SEMA5A: variants seen among roughly 807,000 people sequenced by gnomAD.
SEMA5A encodes semaphorin-5A.
In SEMA5A, 55 loss-of-function variants were observed where a neutral mutation model predicts 135.5. The ratio of observed to expected loss-of-function variants is 0.41; its 90% CI spans 0.33 to 0.51. SEMA5A has a LOEUF of 0.51. Among genes scored for constraint, SEMA5A ranks in the 20% least tolerant of loss-of-function variants. The pLI, the probability that SEMA5A is intolerant of heterozygous loss-of-function variation, is 0.37. For missense variants in SEMA5A, 1,290 were observed against 1,419.9 expected (o/e 0.91, Z 1.47); for synonymous variants, 580 against 546.5 (o/e 1.06, Z -0.85).
rs1739318725 is a variant in SEMA5A, at chr5:9,096,446, T to G, written c.2073+11694A>C. On this transcript the variant is annotated intron_variant, in intron 16 of 22. Coordinates refer to ENST00000382496, the MANE Select transcript of SEMA5A (RefSeq NM_003966.3). ...TTCACATCTAAGTGAGATAATGCACTATTTCTCTTTCTTTGTTTGGTTTAT... is the reference window on the plus strand; with the variant it reads ...TTCACATCTAAGTGAGATAATGCACGATTTCTCTTTCTTTGTTTGGTTTAT... Among the ~76,000 whole-genome samples, 3 of 152,302 alleles carry G rather than the reference T, an allele frequency of 2.0e-5. No homozygotes were observed. In the South Asian group the frequency reaches 6.2e-4, roughly 32 times the overall value.
intron 5 of SEMA5A, among the ~76,000 whole-genome samples, chr5:9,287,013 A>C (rs772581939): frequency 1.3e-5 from 2 of 152,154 alleles, no homozygotes; most frequent in Non-Finnish European, 2.9e-5. Flanking sequence ...TCCTACATGT[A>C]CCCAATGCAT....
chr5:9,073,327 T>C (rs1737871452), intron 16 of SEMA5A, among the ~76,000 whole-genome samples: 2 of 152,186 alleles, frequency 1.3e-5, no homozygotes, highest in Non-Finnish European at 2.9e-5. Context: ...ATTAACGTAA[T>C]TCATCATATG....
intron 3 of SEMA5A, among the ~76,000 whole-genome samples, chr5:9,365,089 C>T (rs1335229978): frequency 6.6e-6 from 1 of 152,130 alleles, no homozygotes; most frequent in Non-Finnish European, 1.5e-5. Flanking sequence ...TTCCACAACA[C>T]ATATATAAGG....
intron 2 of SEMA5A, among the ~76,000 whole-genome samples, chr5:9,407,028 C>A (rs115873564): frequency 0.012 from 1,810 of 152,340 alleles, 13 homozygotes; most frequent in Middle Eastern, 0.034. Context: ...TATTGTGGAT[C>A]TGTCCTGTGC....
rs1303922008 is a variant in SEMA5A at position 9,038,015 on chromosome 5, G to A, written c.*4882C>T. ...AAGTAAGGGGCTCAAATGGCATCTAGGGTCTGATAAGATAAGCGTAGGTAA... is the reference window on the plus strand; with the variant it reads ...AAGTAAGGGGCTCAAATGGCATCTAAGGTCTGATAAGATAAGCGTAGGTAA... On this transcript the variant is annotated 3_prime_UTR_variant, in exon 23 of 23. Coordinates refer to ENST00000382496, the MANE Select transcript of SEMA5A (RefSeq NM_003966.3). 1.3e-5 allele frequency: 2 copies of A among 152,128 alleles called. No homozygotes were observed. Among genetic ancestry groups the A allele is most frequent in the Non-Finnish European group, 2.9e-5 (2 of 68,026 alleles). The allele number at this position is 152,128 out of a possible 1,614,324, so 9.4% of individuals were successfully genotyped here. A position where few individuals can be genotyped will look rare whatever the true frequency, so the allele number is the denominator to read the frequency against.
At chr5:9,136,799 A>G (rs571215251) in intron 12 of SEMA5A, among the ~76,000 whole-genome samples, 178 bp from the exon 13 acceptor site, 1 of 152,222 alleles carries the variant, frequency 6.6e-6, no homozygotes, top group South Asian at 2.1e-4. Context: ...GTAAGTACCT[A>G]ATATTAAATC....
intron 3 of SEMA5A, among the ~76,000 whole-genome samples, chr5:9,339,083 T>G (rs1014327603): frequency 3.9e-5 from 6 of 152,164 alleles, no homozygotes; most frequent in African/African-American, 1.4e-4. Context: ...AATTTCTACA[T>G]TTTATAGGCA....
chr5:9,144,245 C>A (rs932237364), intron 12 of SEMA5A, among the ~76,000 whole-genome samples: 3 of 152,094 alleles, frequency 2.0e-5, no homozygotes, highest in African/African-American at 7.2e-5. Flanking sequence ...TACTTATTTG[C>A]TATATAACAT....
intron 11 of SEMA5A, among the ~76,000 whole-genome samples, chr5:9,187,420 T>G (rs2150341194): frequency 6.6e-6 from 1 of 152,286 alleles, no homozygotes; most frequent in African/African-American, 2.4e-5. Context: ...GGGAATTCAC[T>G]TTTCAGTAGA....
chr5:9,237,609 T>C (rs1747979780), intron 6 of SEMA5A: 1 of 380,542 alleles, frequency 2.6e-6, no homozygotes, highest in South Asian at 1.2e-4. Flanking sequence ...AGCTCTGATC[T>C]TCTTATGTTC....
chr5:9,301,107 C>G (rs1383096025), intron 5 of SEMA5A, among the ~76,000 whole-genome samples: 1 of 152,164 alleles, frequency 6.6e-6, no homozygotes, highest in African/African-American at 2.4e-5. Context: ...AATGTGACTT[C>G]AGAAAAACTT....
intron 3 of SEMA5A, among the ~76,000 whole-genome samples, chr5:9,340,247 G>T (rs183004668): frequency 6.6e-6 from 1 of 152,116 alleles, no homozygotes; most frequent in South Asian, 2.1e-4. Flanking sequence ...CCAGGACCAG[G>T]CTCCAGAGTG....
rs575695841 is a variant in SEMA5A at position 9,340,099 on chromosome 5, T to C, written c.125-2287A>G. Among the ~76,000 whole-genome samples the C allele has an allele frequency of 2.3e-4, 35 of 152,306 alleles. No homozygotes were observed. In the South Asian group the frequency reaches 7.1e-3, roughly 31 times the overall value. Reference sequence around the variant, plus strand: ...AAATTCAGGTGCAAGAATGGGAATGTTTCAGGTGAAAAATTTCCAATGGTA... The same window carrying C: ...AAATTCAGGTGCAAGAATGGGAATGCTTCAGGTGAAAAATTTCCAATGGTA... On this transcript the variant is annotated intron_variant, in intron 3 of 22. Coordinates refer to ENST00000382496, the MANE Select transcript of SEMA5A (RefSeq NM_003966.3).
chr5:9,513,055 AAT>A (rs1194051281), intron 1 of SEMA5A, among the ~76,000 whole-genome samples: 5 of 110,976 alleles, frequency 4.5e-5, no homozygotes, highest in South Asian at 2.6e-4. Context: ...ATGAGATGCA[AAT>A]ATATATATAT....
Position 9,318,497 on chromosome 5 carries a change from A to T in SEMA5A, c.225-80T>A, listed in dbSNP as rs1752488385. On this transcript the variant is annotated intron_variant, in intron 4 of 22. Coordinates refer to ENST00000382496, the MANE Select transcript of SEMA5A (RefSeq NM_003966.3). ...GAGTTTATAAAAATTTCAAGAACAAAGAAAATAATAATTTTGACTTCAAAA... is the reference window on the plus strand; with the variant it reads ...GAGTTTATAAAAATTTCAAGAACAATGAAAATAATAATTTTGACTTCAAAA... 5 of 1,199,238 alleles carry T rather than the reference A, an allele frequency of 4.2e-6. No individual in the cohort carries two copies. The African/African-American group carries it at 6.2e-5, about 15-fold the overall frequency. 74.3% of individuals were successfully genotyped at this position (1,199,238 alleles called of 1,614,324 possible).
intron 6 of SEMA5A, among the ~76,000 whole-genome samples, chr5:9,231,955 T>C (rs1471781055): frequency 6.6e-6 from 1 of 152,150 alleles, no homozygotes; most frequent in African/African-American, 2.4e-5. Flanking sequence ...ACTTGAACAT[T>C]AAAATGACCC....
chr5:9,058,349 A>C (rs73043643), intron 18 of SEMA5A, among the ~76,000 whole-genome samples: 46 of 152,180 alleles, frequency 3.0e-4, no homozygotes, highest in African/African-American at 9.4e-4. Flanking sequence ...ACACACAAGC[A>C]CAGGTTAGGG....
At chr5:9,357,260 A>G (rs989233466) in intron 3 of SEMA5A, among the ~76,000 whole-genome samples, 2 of 152,228 alleles carry the variant, frequency 1.3e-5, no homozygotes, top group Non-Finnish European at 2.9e-5. Flanking sequence ...ACTCCTTAAA[A>G]AAAGACTCAA....
rs377678578 is a variant in SEMA5A, at chr5:9,400,299, C to T, written c.-77-20276G>A. Among the ~76,000 whole-genome samples the T allele has an allele frequency of 5.1e-4, 78 of 152,206 alleles. No individual in the cohort carries two copies. The South Asian group carries it at 0.013, about 25-fold the overall frequency. On this transcript the variant is annotated intron_variant, in intron 2 of 22. Transcript: ENST00000382496. Reference sequence around the variant, plus strand: ...ATGTAACAAGCCTGCACGTTCTGCACATGTATCCCAGAACTTAAAGTAAAA... The same window carrying T: ...ATGTAACAAGCCTGCACGTTCTGCATATGTATCCCAGAACTTAAAGTAAAA...
Sources: gnomAD v4.1 joint callset for allele counts (sites outside exome capture counted in the v4.1 genomes callset) on GRCh38, gnomAD v4.1.1 for gene constraint, MANE v1.5 for transcripts, NCBI Gene and HGNC (gene_info 2026-07-23, HGNC 2026-07-21) for gene names.